The following EPS8 variants were observed in gnomAD, a reference collection of about 807,000 sequenced individuals.
EPS8 encodes the protein epidermal growth factor receptor kinase substrate 8.
In EPS8, 42 loss-of-function variants were observed where a neutral mutation model predicts 103.8. The ratio of observed to expected loss-of-function variants is 0.40; its 90% CI spans 0.32 to 0.52. The LOEUF is 0.52. Ranked by LOEUF, EPS8 falls within the 20% of genes least tolerant of loss-of-function variation. The pLI is 0.40. For missense variants in EPS8, 969 were observed against 1,005.1 expected (o/e 0.96, Z 0.49); for synonymous variants, 344 against 344.6 (o/e 1.00, Z 0.02).
Position 15,621,278 on chromosome 12 carries a change from A to G in EPS8, c.*39T>C. 1 of 1,077,776 alleles carries G rather than the reference A, an allele frequency of 9.3e-7. No homozygotes were observed. Among genetic ancestry groups the G allele is most frequent in the Non-Finnish European group, 1.4e-6 (1 of 737,078 alleles). The allele number at this position is 1,077,776 out of a possible 1,614,324, so 66.8% of individuals were successfully genotyped here. A position where few individuals can be genotyped will look rare whatever the true frequency, so the allele number is the denominator to read the frequency against. ...TTCTTAAAACAAAGCATGTTGGAAT[A>G]ATGCCAAAAACAATGGAGTTTAAAT... On this transcript the variant is annotated 3_prime_UTR_variant, in exon 21 of 21. Transcript: ENST00000281172.
At chr12:15,740,790 G>A (rs952384097) in intron 1 of EPS8, among the ~76,000 whole-genome samples, 1 of 152,114 alleles carries the variant, frequency 6.6e-6, no homozygotes, top group Non-Finnish European at 1.5e-5. Context: ...TCAGTCTCCA[G>A]TATGTAAAAT....
intron 1 of EPS8, among the ~76,000 whole-genome samples, chr12:15,686,216 T>C (rs1429393181): frequency 2.6e-5 from 4 of 152,232 alleles, no homozygotes; most frequent in South Asian, 2.1e-4. Flanking sequence ...ATAGTGAACA[T>C]ATTTTCTCCT....
At position 15,721,190 on chromosome 12, in the gene EPS8, A is replaced by G. The variant is rs1050337656; in HGVS notation, c.-21-38218T>C. On this transcript the variant is annotated intron_variant, in intron 1 of 20. Transcript: ENST00000281172. The surrounding 1 kb of genome is among the most constrained non-coding windows in gnomAD (Gnocchi z 4.4). ...AGTGAAAAGAAAGCAAGAAAATACTATAACACAAATACCACAACAGAGTAA... is the reference window on the plus strand; with the variant it reads ...AGTGAAAAGAAAGCAAGAAAATACTGTAACACAAATACCACAACAGAGTAA... Among the ~76,000 whole-genome samples the G allele has an allele frequency of 6.6e-6, 1 of 152,220 alleles. No individual in the cohort carries two copies. Among genetic ancestry groups the G allele is most frequent in the African/African-American group, 2.4e-5 (1 of 41,446 alleles).
intron 1 of EPS8, among the ~76,000 whole-genome samples, chr12:15,723,021 CA>C (rs112053006): frequency 0.013 from 1,835 of 141,734 alleles, 30 homozygotes; most frequent in African/African-American, 0.039. Flanking sequence ...AAAAAACAAA[CA>C]AAAAAAAAAC....
chr12:15,630,850 A>T lies in EPS8; in HGVS notation c.2044+592T>A, dbSNP rs573045250. ...GGGCCAGATAACTCTGTTGCTGGGG[A>T]CTGTCCTGTGCATTGTAATTGTTGC... On this transcript the variant is annotated intron_variant, in intron 18 of 20. Transcript: ENST00000281172. Among the ~76,000 whole-genome samples, 26 of 152,238 alleles carry T rather than the reference A, an allele frequency of 1.7e-4. No homozygotes were observed. The South Asian group carries it at 3.7e-3, about 22-fold the overall frequency.
intron 1 of EPS8, among the ~76,000 whole-genome samples, chr12:15,744,888 T>A (rs528175743): frequency 4.6e-5 from 7 of 152,316 alleles, no homozygotes; most frequent in Non-Finnish European, 1.0e-4. Context: ...ACTATTATTT[T>A]TTTTTTGAGA....
In EPS8 at chr12:15,749,605, T is replaced by C. The variant is rs1005087543; in HGVS notation, c.-22+39556A>G. ...TGCCTCACTCAGAGAAGGGACTCAA[T>C]AAATACTTGATGATGACAATAACCA... On this transcript the variant is annotated intron_variant, in intron 1 of 20. Transcript: ENST00000281172. The surrounding 1 kb of genome is among the most constrained non-coding windows in gnomAD (Gnocchi z 4.0). Among the ~76,000 whole-genome samples, 4 of 152,160 alleles carry C rather than the reference T, an allele frequency of 2.6e-5. No homozygotes were observed. The highest frequency in any genetic ancestry group is 2.9e-5 in the Non-Finnish European group (2 of 68,022).
rs572757774 is a variant in EPS8 at position 15,769,986 on chromosome 12, A to G, written c.-22+19175T>C. ...AGACTAGGGTCTCGCTCTTTCACCC[A>G]TGCTGCAGTGTAGTGGCATGATCTT... On this transcript the variant is annotated intron_variant, in intron 1 of 20. Transcript: ENST00000281172. This position sits in a 1 kb window ranked among gnomAD's most constrained non-coding sequence, Gnocchi z 4.6. 6.7e-6 allele frequency among the ~76,000 whole-genome samples: 1 copy of G among 150,272 alleles called. No individual in the cohort carries two copies. The highest frequency in any genetic ancestry group is 2.0e-4 in the East Asian group (1 of 5,096).
At chr12:15,653,900 T>C (rs530531176) in intron 13 of EPS8, among the ~76,000 whole-genome samples, 2 of 152,188 alleles carry the variant, frequency 1.3e-5, no homozygotes, top group Non-Finnish European at 2.9e-5. Context: ...GTCTAAATCC[T>C]CTTCCTGACT....
chr12:15,754,022 T>C (rs922763796), intron 1 of EPS8, among the ~76,000 whole-genome samples: 9 of 152,194 alleles, frequency 5.9e-5, no homozygotes, highest in African/African-American at 2.2e-4. Flanking sequence ...CCATCTGGCT[T>C]GGGACCAAAC....
Position 15,638,211 on chromosome 12 carries a change from A to C in EPS8, c.1821+2492T>G, listed in dbSNP as rs939541645. On this transcript the variant is annotated intron_variant, in intron 17 of 20. Coordinates refer to ENST00000281172, the MANE Select transcript of EPS8 (RefSeq NM_004447.6). ...AGTAGATATGGGTATCTACTGTTGT[A>C]GAGATAGAAAAATGACTGGCACATA... 4.3e-4 allele frequency among the ~76,000 whole-genome samples: 66 copies of C among 152,140 alleles called. 1 individual carries two copies. The highest frequency in any genetic ancestry group is 1.3e-4 in the Admixed American group (2 of 15,276).
chr12:15,658,821 T>C (rs190609775), intron 10 of EPS8, among the ~76,000 whole-genome samples: 132 of 152,262 alleles, frequency 8.7e-4, no homozygotes, highest in Admixed American at 1.6e-3. Context: ...TAAACATACA[T>C]TGTAGCCTTT....
chr12:15,706,429 A>C lies in EPS8; in HGVS notation c.-21-23457T>G, dbSNP rs980148939. Among the ~76,000 whole-genome samples the C allele has an allele frequency of 1.4e-5, 2 of 142,060 alleles. No individual in the cohort carries two copies. The highest frequency in any genetic ancestry group is 5.2e-5 in the African/African-American group (2 of 38,650). The allele number at this position is 142,060 out of a possible 152,430, so 93.2% of individuals were successfully genotyped here. A position where few individuals can be genotyped will look rare whatever the true frequency, so the allele number is the denominator to read the frequency against. ...TTTGCCTATCTAAATCTTGTATCTC[A>C]GCTTAAATGGCCCCTTCTTGGGAAA... On this transcript the variant is annotated intron_variant, in intron 1 of 20. Coordinates refer to ENST00000281172, the MANE Select transcript of EPS8 (RefSeq NM_004447.6). This position sits in a 1 kb window ranked among gnomAD's most constrained non-coding sequence, Gnocchi z 5.2.
chr12:15,724,476 A>G (rs1946631353), intron 1 of EPS8, among the ~76,000 whole-genome samples: 2 of 152,134 alleles, frequency 1.3e-5, no homozygotes, highest in African/African-American at 2.4e-5. Context: ...TTATCTTAGC[A>G]TTGCTCTATT....
chr12:15,731,872 G>C lies in EPS8; in HGVS notation c.-21-48900C>G, dbSNP rs1214539065. ...GTGTGTGTGTGCATGTGTGTGTGTA[G>C]GCAAAAGGAAGCTGGGTGGTTAATC... On this transcript the variant is annotated intron_variant, in intron 1 of 20. Coordinates refer to ENST00000281172, the MANE Select transcript of EPS8 (RefSeq NM_004447.6). The surrounding 1 kb of genome is among the most constrained non-coding windows in gnomAD (Gnocchi z 5.1). Among the ~76,000 whole-genome samples the C allele has an allele frequency of 6.6e-6, 1 of 152,032 alleles. No homozygotes were observed. The highest frequency in any genetic ancestry group is 1.5e-5 in the Non-Finnish European group (1 of 68,000).
chr12:15,651,597 A>C (rs1471419467), intron 13 of EPS8, among the ~76,000 whole-genome samples: 2 of 152,230 alleles, frequency 1.3e-5, no homozygotes, highest in African/African-American at 2.4e-5. Context: ...AATCACAATC[A>C]TATGGGTTCA....
chr12:15,670,258 T>C (rs1945792501), intron 4 of EPS8, among the ~76,000 whole-genome samples: 1 of 152,168 alleles, frequency 6.6e-6, no homozygotes. Context: ...AACAGCACAA[T>C]TCTAGTCTAT....
intron 17 of EPS8, among the ~76,000 whole-genome samples, chr12:15,639,910 T>C (rs1032679531): frequency 6.6e-6 from 1 of 152,232 alleles, no homozygotes; most frequent in African/African-American, 2.4e-5. Context: ...TCTGGGGGAA[T>C]GAGAAGCCAC....
chr12:15,763,950 G>A (rs1173375557), intron 1 of EPS8, among the ~76,000 whole-genome samples: 1 of 151,340 alleles, frequency 6.6e-6, no homozygotes, highest in Non-Finnish European at 1.5e-5. Context: ...AACAATATTC[G>A]GCATGGTATT....
Sources: allele counts gnomAD v4.1 joint callset (sites outside exome capture counted in the v4.1 genomes callset), GRCh38; gene constraint gnomAD v4.1.1; non-coding constraint Gnocchi (gnomAD v3.1); transcripts MANE v1.5; gene names NCBI Gene and HGNC (gene_info 2026-07-23, HGNC 2026-07-21).